The following FER1L5 variants were observed in gnomAD, a reference collection of about 807,000 sequenced individuals.
FER1L5 encodes fer-1-like protein 5.
A neutral mutation model predicts 279.9 loss-of-function variants in FER1L5; 187 were observed. The observed-to-expected ratio is 0.67, with a 90% confidence interval of 0.59 to 0.75. The LOEUF is 0.75. Among genes scored for constraint, FER1L5 ranks in the 30% least tolerant of loss-of-function variants. FER1L5 has a pLI of 0.00. For missense variants in FER1L5, 2,091 were observed against 2,594.4 expected (o/e 0.81, Z 4.21); for synonymous variants, 921 against 989.7 (o/e 0.93, Z 1.30).
intron 23 of FER1L5, 44 bp from the exon 24 acceptor site, chr2:96,687,771 CA>C (rs1558903929): frequency 6.5e-7 from 1 of 1,546,100 alleles, no homozygotes. Context: ...GGGTGGCGTT[CA>C]GGGTGTTTAG....
chr2:96,676,705 A>C (rs903808178), intron 19 of FER1L5, among the ~76,000 whole-genome samples: 15 of 151,278 alleles, frequency 9.9e-5, no homozygotes, highest in Admixed American at 2.6e-4. Context: ...GTGGTTGCTC[A>C]AGGAATTACA....
At chr2:96,650,111 A>G (rs763880560) in intron 5 of FER1L5, 69 bp from the exon 6 acceptor site, 1 of 1,216,314 alleles carries the variant, frequency 8.2e-7, no homozygotes, top group Non-Finnish European at 1.2e-6. Context: ...AGAATGATGG[A>G]ATGGGGAAAA....
rs2077052049 is a variant in FER1L5 at position 96,689,328 on chromosome 2, C to A, written c.2477C>A (p.Pro826His). ...CTCCCCATGACGGATTTCCAACCAC[C>A]CCTGGGATGGCACTGGCAGGACAGC... Reference protein sequence around the residue: ...KTLPMTDFQPPLGWHWQDSWT... With the variant: ...KTLPMTDFQPHLGWHWQDSWT... The change falls in exon 25 of 53, where the codon CCC becomes CAC. Residue 826 changes from proline (P) to histidine (H), a missense_variant. Physicochemically the swap from Pro to His is moderately conservative, Grantham distance 77. Transcript: ENST00000624922. The surrounding 1 kb of genome is among the most constrained non-coding windows in gnomAD (Gnocchi z 4.6). The A allele has an allele frequency of 6.4e-7, 1 of 1,550,624 alleles. No individual in the cohort carries two copies. Among genetic ancestry groups the A allele is most frequent in the Admixed American group, 2.0e-5 (1 of 50,840 alleles).
In FER1L5 at chr2:96,694,522, C is replaced by A; in HGVS notation, c.3741+58C>A. On this transcript the variant is annotated intron_variant, in intron 34 of 52. Coordinates refer to ENST00000624922, the MANE Select transcript of FER1L5 (RefSeq NM_001293083.2). The surrounding 1 kb of genome is among the most constrained non-coding windows in gnomAD (Gnocchi z 4.6). ...GGACAGGCGGGGGTGGTCTGGAGTG[C>A]GCTGCAGCCTTCTGCTGGTCCTCCC... is the stretch of plus-strand genomic sequence containing the variant. 2 of 1,347,234 alleles carry A rather than the reference C, an allele frequency of 1.5e-6. No homozygotes were observed. Among genetic ancestry groups the A allele is most frequent in the Admixed American group, 2.5e-5 (1 of 40,304 alleles). 83.5% of individuals were successfully genotyped at this position (1,347,234 alleles called of 1,614,324 possible). A position where few individuals can be genotyped will look rare whatever the true frequency, so the allele number is the denominator to read the frequency against.
intron 20 of FER1L5, among the ~76,000 whole-genome samples, chr2:96,684,689 G>C (rs1215602369): frequency 6.6e-6 from 1 of 152,218 alleles, no homozygotes; most frequent in Non-Finnish European, 1.5e-5. Flanking sequence ...TGACTGTGCA[G>C]TGCAACTAGG....
At chr2:96,659,945 G>A (rs1041592490) in intron 9 of FER1L5, among the ~76,000 whole-genome samples, 6 of 152,064 alleles carry the variant, frequency 3.9e-5, no homozygotes, top group Non-Finnish European at 7.4e-5. Context: ...ATCTCCAAGG[G>A]GAAAGAGAAA....
At chr2:96,643,969 C>G (rs1213558652) in intron 1 of FER1L5, among the ~76,000 whole-genome samples, 1 of 146,696 alleles carries the variant, frequency 6.8e-6, no homozygotes, top group African/African-American at 2.5e-5. Flanking sequence ...GTCAGGAGTT[C>G]AAGACCAGCC....
chr2:96,668,686 A>G, intron 14 of FER1L5, 65 bp from the exon 15 acceptor site: 1 of 1,542,074 alleles, frequency 6.5e-7, no homozygotes, highest in Admixed American at 2.0e-5. Context: ...CCTGTTCTTA[A>G]AATCTCCACG....
At chr2:96,697,945 T>C (rs2077444864) in intron 39 of FER1L5, 92 bp from the exon 40 acceptor site, 2 of 1,499,794 alleles carry the variant, frequency 1.3e-6, no homozygotes, top group Non-Finnish European at 1.8e-6. Context: ...GACTGCCAGA[T>C]GCTTTGGAGT....
At chr2:96,675,121 T>TGTGG (rs2076464645) in intron 19 of FER1L5, among the ~76,000 whole-genome samples, 1 of 152,258 alleles carries the variant, frequency 6.6e-6, no homozygotes, top group African/African-American at 2.4e-5. Flanking sequence ...GTATGTGTAC[T>TGTGG]GCAGTTCATT....
In FER1L5 at chr2:96,698,764, C is replaced by G. The variant is rs754305223; in HGVS notation, c.4450C>G (p.Gln1484Glu). ...LVWPEREDFPQPCLVRVYMVR... is the reference protein window; with the variant it reads ...LVWPEREDFPEPCLVRVYMVR... The stretch of plus-strand genomic sequence containing the variant: ...TTGGCCAGAGAGAGAGGACTTCCCC[C>G]AGCCGTGCTTGGTGCGGGTGTACAT... The change falls in exon 41 of 53, where the codon CAG becomes GAG. Residue 1484 changes from glutamine to glutamate, a missense_variant. Transcript: ENST00000624922. This position sits in a 1 kb window ranked among gnomAD's most constrained non-coding sequence, Gnocchi z 5.5. The G allele has an allele frequency of 1.3e-6, 2 of 1,569,750 alleles. No homozygotes were observed. Among genetic ancestry groups the G allele is most frequent in the Non-Finnish European group, 1.7e-6 (2 of 1,157,862 alleles).
At chr2:96,671,967 G>A (rs1309214729) in intron 18 of FER1L5, among the ~76,000 whole-genome samples, 1 of 152,118 alleles carries the variant, frequency 6.6e-6, no homozygotes, top group Non-Finnish European at 1.5e-5. Context: ...AACCTTCTAA[G>A]AAACCTGATT....
chr2:96,646,338 C>G (rs930377974), intron 1 of FER1L5, 63 bp from the exon 2 acceptor site: 6 of 1,527,446 alleles, frequency 3.9e-6, no homozygotes, highest in Non-Finnish European at 5.3e-6. Flanking sequence ...CTCTTTACCC[C>G]ACTCCAACCC....
chr2:96,701,771 G>A (rs938377417), intron 45 of FER1L5, among the ~76,000 whole-genome samples, 184 bp from the exon 46 acceptor site: 1 of 152,116 alleles, frequency 6.6e-6, no homozygotes, highest in Non-Finnish European at 1.5e-5. Context: ...TACTCTCTCA[G>A]CCAAAAGAAA....
intron 18 of FER1L5, among the ~76,000 whole-genome samples, chr2:96,671,575 C>G (rs1309279998): frequency 6.6e-6 from 1 of 152,196 alleles, no homozygotes; most frequent in East Asian, 1.9e-4. Context: ...AAGACATCCA[C>G]ATAGACCAGC....
intron 13 of FER1L5, 120 bp downstream of exon 13, chr2:96,662,387 A>T: frequency 1.1e-6 from 1 of 889,060 alleles, no homozygotes; most frequent in Non-Finnish European, 1.8e-6. Flanking sequence ...CACTGAGAGA[A>T]GTATGCACCC....
chr2:96,704,071 C>A (rs2077692077), intron 51 of FER1L5, 144 bp from the exon 52 acceptor site: 4 of 997,008 alleles, frequency 4.0e-6, no homozygotes, highest in Non-Finnish European at 5.7e-6. Flanking sequence ...TCACCTCGGC[C>A]TCCCAAAATG....
At chr2:96,664,669 A>G (rs777566147) in intron 14 of FER1L5, among the ~76,000 whole-genome samples, 1 of 152,204 alleles carries the variant, frequency 6.6e-6, no homozygotes, top group Admixed American at 6.5e-5. Flanking sequence ...GCATAGACAT[A>G]TGCTTTCATT....
Position 96,703,201 on chromosome 2 carries a change from C to G in FER1L5, c.5546C>G (p.Ala1849Gly). The G allele has an allele frequency of 6.2e-7, 1 of 1,613,658 alleles. No homozygotes were observed. Among genetic ancestry groups the G allele is most frequent in the Non-Finnish European group, 8.5e-7 (1 of 1,179,714 alleles). Residue 1849 changes from alanine (A) to glycine (G), a missense_variant, in exon 50 of 53, where the codon GCC becomes GGC. Transcript: ENST00000624922. ...LSDMPLPARH[A>G]KQCSIRMMDA... ...GACATGCCCCTCCCGGCTCGGCACG[C>G]CAAGCAGTGCTCCATCAGGATGATG...
Sources: gnomAD v4.1 joint callset for allele counts (sites outside exome capture counted in the v4.1 genomes callset) on GRCh38, gnomAD v4.1.1 for gene constraint, Gnocchi (gnomAD v3.1) non-coding constraint, MANE v1.5 for transcripts, NCBI Gene and HGNC (gene_info 2026-07-23, HGNC 2026-07-21) for gene names.